SFT2D2: variants seen among roughly 807,000 people sequenced by gnomAD.
The protein encoded by SFT2D2 is vesicle transport protein SFT2B.
A neutral mutation model predicts 27.4 loss-of-function variants in SFT2D2; 21 were observed. The ratio of observed to expected loss-of-function variants is 0.77; its 90% CI spans 0.54 to 1.10. The LOEUF is 1.10. Ranked by LOEUF, SFT2D2 falls within the 50% of genes least tolerant of loss-of-function variation. The probability of loss-of-function intolerance (pLI) is 0.00; values close to 1 mark genes in which losing one functional copy is unlikely to be tolerated. For synonymous variants in SFT2D2, 72 were observed against 71.7 expected (o/e 1.00, Z -0.02); for missense variants, 187 against 194.2 (o/e 0.96, Z 0.22).
intron 1 of SFT2D2, among the ~76,000 whole-genome samples, chr1:168,229,122 T>G (rs1700487891): frequency 6.6e-6 from 1 of 152,186 alleles, no homozygotes; most frequent in Non-Finnish European, 1.5e-5. Flanking sequence ...TTGAGAGACT[T>G]GGATATGGAG....
At position 168,239,099 on chromosome 1, in the gene SFT2D2, C is replaced by T. The variant is rs373049032; in HGVS notation, c.414-32C>T. ...GGATAATCTGCTACTCCCTTCATCT[C>T]ATTTGACCCTTTGTTTTGTTTTTCA... On this transcript the variant is annotated intron_variant, in intron 6 of 7. Coordinates refer to ENST00000271375, the MANE Select transcript of SFT2D2 (RefSeq NM_199344.3). 1.2e-5 allele frequency: 19 copies of T among 1,567,960 alleles called. No individual in the cohort carries two copies. In the Admixed American group the frequency reaches 1.7e-4, roughly 14 times the overall value.
At chr1:168,235,324 A>G in intron 4 of SFT2D2, 142 bp downstream of exon 4, 1 of 796,000 alleles carries the variant, frequency 1.3e-6, no homozygotes, top group East Asian at 2.5e-5. Context: ...ACCATGTGGC[A>G]GAAGGGAACA....
In SFT2D2 at chr1:168,243,715, C is replaced by T. The variant is rs1309298653; in HGVS notation, c.*1175C>T. On this transcript the variant is annotated 3_prime_UTR_variant, in exon 8 of 8. Coordinates refer to ENST00000271375, the MANE Select transcript of SFT2D2 (RefSeq NM_199344.3). The stretch of plus-strand genomic sequence containing the variant: ...CAAGGCCCACACTGGTTTTTGGATC[C>T]ACCCAAAGCCACAGCTTCAGCCTCC... 6.6e-6 allele frequency: 1 copy of T among 152,504 alleles called. No homozygotes were observed. Among genetic ancestry groups the T allele is most frequent in the African/African-American group, 2.4e-5 (1 of 41,438 alleles). 9.4% of individuals were successfully genotyped at this position (152,504 alleles called of 1,614,324 possible).
rs1020860896 is a variant in SFT2D2, at chr1:168,248,449, A to G, written c.*5909A>G. 26 of 152,294 alleles carry G rather than the reference A, an allele frequency of 1.7e-4. No individual in the cohort carries two copies. Among genetic ancestry groups the G allele is most frequent in the Admixed American group, 1.6e-3 (25 of 15,276 alleles). 9.4% of individuals were successfully genotyped at this position (152,294 alleles called of 1,614,324 possible). On this transcript the variant is annotated 3_prime_UTR_variant, in exon 8 of 8. Coordinates refer to ENST00000271375, the MANE Select transcript of SFT2D2 (RefSeq NM_199344.3). ...TTGTCTTGTGCTGGTTTTCCAAGGG[A>G]ATGCCTCTAGTTTTTGCCCATTCAG... is the stretch of plus-strand genomic sequence containing the variant.
Position 168,246,884 on chromosome 1 carries a change from A to T in SFT2D2, c.*4344A>T. 2 of 582,000 alleles carry T rather than the reference A, an allele frequency of 3.4e-6. No homozygotes were observed. The highest frequency in any genetic ancestry group is 2.9e-5 in the South Asian group (2 of 68,194). The allele number at this position is 582,000 out of a possible 1,614,324, so 36.1% of individuals were successfully genotyped here. On this transcript the variant is annotated 3_prime_UTR_variant, in exon 8 of 8. Transcript: ENST00000271375. ...CTTCATGCTTTCTTTTTATAATTTC[A>T]ATGTCTTTTAAGTATTTCTTTTCCA...
rs1235302263 is a variant in SFT2D2, at chr1:168,238,532, T to G, written c.414-599T>G. 7.9e-5 allele frequency among the ~76,000 whole-genome samples: 12 copies of G among 151,816 alleles called. No individual in the cohort carries two copies. In the East Asian group the frequency reaches 1.7e-3, roughly 22 times the overall value. On this transcript the variant is annotated intron_variant, in intron 6 of 7. Coordinates refer to ENST00000271375, the MANE Select transcript of SFT2D2 (RefSeq NM_199344.3). ...ACAAACAAAAAAAAACATTAAAAAATTAGCCGGGCATGGTGGCACATACTT... is the reference window on the plus strand; with the variant it reads ...ACAAACAAAAAAAAACATTAAAAAAGTAGCCGGGCATGGTGGCACATACTT...
rs1647771757 is a variant in SFT2D2, at chr1:168,245,021, T to G, written c.*2481T>G. The G allele has an allele frequency of 6.6e-6, 1 of 152,198 alleles. No homozygotes were observed. The highest frequency in any genetic ancestry group is 1.5e-5 in the Non-Finnish European group (1 of 68,040). The allele number at this position is 152,198 out of a possible 1,614,324, so 9.4% of individuals were successfully genotyped here. A position where few individuals can be genotyped will look rare whatever the true frequency, so the allele number is the denominator to read the frequency against. On this transcript the variant is annotated 3_prime_UTR_variant, in exon 8 of 8. Transcript: ENST00000271375. ...GAATGTTTTCCCCTAAGATTGAGAATAAGACAGAGATGTCAACTCTTACCA... is the reference window on the plus strand; with the variant it reads ...GAATGTTTTCCCCTAAGATTGAGAAGAAGACAGAGATGTCAACTCTTACCA...
At chr1:168,239,644 A>T (rs1410866513) in intron 7 of SFT2D2, among the ~76,000 whole-genome samples, 2 of 151,498 alleles carry the variant, frequency 1.3e-5, no homozygotes, top group Non-Finnish European at 2.9e-5. Flanking sequence ...AGCTCTCTTG[A>T]CCCCTCTGGC....
Position 168,247,885 on chromosome 1 carries a change from T to A in SFT2D2, c.*5345T>A, listed in dbSNP as rs1323302342. ...GATTGCCATTCTAACTGGCATGAGA[T>A]GGCATCTGATGGTGGTTTTGATTTG... On this transcript the variant is annotated 3_prime_UTR_variant, in exon 8 of 8. Transcript: ENST00000271375. 6.6e-6 allele frequency: 1 copy of A among 152,270 alleles called. No homozygotes were observed. The highest frequency in any genetic ancestry group is 2.4e-5 in the African/African-American group (1 of 41,466). The allele number at this position is 152,270 out of a possible 1,614,324, so 9.4% of individuals were successfully genotyped here. A position where few individuals can be genotyped will look rare whatever the true frequency, so the allele number is the denominator to read the frequency against.
rs1647814064 is a variant in SFT2D2, at chr1:168,246,458, T to C, written c.*3918T>C. On this transcript the variant is annotated 3_prime_UTR_variant, in exon 8 of 8. Coordinates refer to ENST00000271375, the MANE Select transcript of SFT2D2 (RefSeq NM_199344.3). ...ACCGTTTGGTTTAGCTCTCTTTGTA[T>C]GTGTTCAAAAACCAAAGCGTTTTCT... 7.9e-7 allele frequency: 1 copy of C among 1,269,522 alleles called. No homozygotes were observed. Among genetic ancestry groups the C allele is most frequent in the Non-Finnish European group, 1.1e-6 (1 of 931,858 alleles). The allele number at this position is 1,269,522 out of a possible 1,614,324, so 78.6% of individuals were successfully genotyped here.
chr1:168,226,004 A>T lies in SFT2D2; in HGVS notation c.-76A>T. 1 of 1,365,504 alleles carries T rather than the reference A, an allele frequency of 7.3e-7. No homozygotes were observed. The highest frequency in any genetic ancestry group is 9.7e-7 in the Non-Finnish European group (1 of 1,034,988). The allele number at this position is 1,365,504 out of a possible 1,614,324, so 84.6% of individuals were successfully genotyped here. A position where few individuals can be genotyped will look rare whatever the true frequency, so the allele number is the denominator to read the frequency against. On this transcript the variant is annotated 5_prime_UTR_variant, in exon 1 of 8. Coordinates refer to ENST00000271375, the MANE Select transcript of SFT2D2 (RefSeq NM_199344.3). ...CTGGGCGGCTGGGCGGCTGCCTAGC[A>T]CCCGGAAGAGCCGTCAACTTAGCGA...
intron 3 of SFT2D2, among the ~76,000 whole-genome samples, chr1:168,232,797 G>GAT (rs929242222): frequency 1.6e-4 from 24 of 152,170 alleles, no homozygotes; most frequent in African/African-American, 5.8e-4. Context: ...TATAACTCAT[G>GAT]ATATAACAAG....
At chr1:168,241,065 A>C (rs1647631943) in intron 7 of SFT2D2, among the ~76,000 whole-genome samples, 1 of 152,104 alleles carries the variant, frequency 6.6e-6, no homozygotes, top group African/African-American at 2.4e-5. Context: ...CTTGATCTGG[A>C]TTGGCATGTA....
chr1:168,242,357 G>A, intron 7 of SFT2D2, 144 bp from the exon 8 acceptor site: 1 of 844,954 alleles, frequency 1.2e-6, no homozygotes, highest in Non-Finnish European at 2.0e-6. Context: ...ACTAATAAAT[G>A]TTGAAGCTGC....
Position 168,250,980 on chromosome 1 carries a change from G to GAAATAAAATCATGAAATGCATTCC in SFT2D2, c.*8450_*8473dup, listed in dbSNP as rs1417621217. The GAAATAAAATCATGAAATGCATTCC allele has an allele frequency of 1.3e-5, 2 of 152,230 alleles. No individual in the cohort carries two copies. The highest frequency in any genetic ancestry group is 3.9e-4 in the East Asian group (2 of 5,194). 9.4% of individuals were successfully genotyped at this position (152,230 alleles called of 1,614,324 possible). A position where few individuals can be genotyped will look rare whatever the true frequency, so the allele number is the denominator to read the frequency against. ...TAATCACTGCAGGCTCAGGGAGCAA[G>GAAATAAAATCATGAAATGCATTCC]AAATAAAATCATGAAATGCATTCCA... On this transcript the variant is annotated 3_prime_UTR_variant, in exon 8 of 8. Transcript: ENST00000271375.
chr1:168,227,815 G>A (rs1021712469), intron 1 of SFT2D2, among the ~76,000 whole-genome samples: 1 of 152,212 alleles, frequency 6.6e-6, no homozygotes, highest in Non-Finnish European at 1.5e-5. Context: ...GCAGACTCTT[G>A]AGGGGTGGAG....
intron 4 of SFT2D2, 83 bp downstream of exon 4, chr1:168,235,265 G>T (rs1647464605): frequency 7.6e-7 from 1 of 1,322,254 alleles, no homozygotes; most frequent in African/African-American, 1.5e-5. Flanking sequence ...TAAATCTAAA[G>T]ACCTCTTCTC....
rs998691686 is a variant in SFT2D2 at position 168,251,008 on chromosome 1, T to G, written c.*8468T>G. 3.3e-5 allele frequency: 5 copies of G among 152,196 alleles called. No homozygotes were observed. The highest frequency in any genetic ancestry group is 7.3e-5 in the Non-Finnish European group (5 of 68,052). The allele number at this position is 152,196 out of a possible 1,614,324, so 9.4% of individuals were successfully genotyped here. On this transcript the variant is annotated 3_prime_UTR_variant, in exon 8 of 8. Coordinates refer to ENST00000271375, the MANE Select transcript of SFT2D2 (RefSeq NM_199344.3). ...ATAAAATCATGAAATGCATTCCAAA[T>G]AAAATTACCTTTTGGCTGGGTGCAG...
rs201418769 is a variant in SFT2D2, at chr1:168,226,089, C to A, written c.10C>A (p.Leu4Met). Residue 4 changes from leucine to methionine, a missense_variant, in exon 1 of 8, where the codon CTG becomes ATG. By Grantham distance (15) the Leu-to-Met change is conservative. Coordinates refer to ENST00000271375, the MANE Select transcript of SFT2D2 (RefSeq NM_199344.3). Reference protein sequence around the residue: MDKLKKVLSGQDTE... With the variant: MDKMKKVLSGQDTE... ...TGGGGACTGGGCCGCAATGGACAAG[C>A]TGAAGAAGGTGCTGAGCGGGCAGGA... 11 of 1,534,716 alleles carry A rather than the reference C, an allele frequency of 7.2e-6. No homozygotes were observed. The East Asian group carries it at 2.6e-4, about 36-fold the overall frequency.
Sources: gnomAD v4.1 joint callset for allele counts (sites outside exome capture counted in the v4.1 genomes callset) on GRCh38, gnomAD v4.1.1 for gene constraint, MANE v1.5 for transcripts, NCBI Gene and HGNC (gene_info 2026-07-23, HGNC 2026-07-21) for gene names.